Variants in FLNB observed in about 807,000 individuals in gnomAD.
The protein encoded by FLNB is filamin-B.
A neutral mutation model predicts 250.6 loss-of-function variants in FLNB; 111 were observed. The ratio of observed to expected loss-of-function variants is 0.44; its 90% CI spans 0.38 to 0.52. The LOEUF (loss-of-function observed/expected upper bound fraction) is 0.52, where lower values mean the gene tolerates loss of function less well. Among genes scored for constraint, FLNB ranks in the 20% least tolerant of loss-of-function variants. The pLI, the probability that FLNB is intolerant of heterozygous loss-of-function variation, is 0.00. For missense variants in FLNB, 2,869 were observed against 3,447.8 expected, an observed-to-expected ratio of 0.83 and a Z score of 4.20; for synonymous variants, 1,302 against 1,372.1, an observed-to-expected ratio of 0.95 and a Z score of 1.13.
chr3:58,038,364 G>C (rs913284182), intron 1 of FLNB, among the ~76,000 whole-genome samples: 1 of 151,974 alleles, frequency 6.6e-6, no homozygotes, highest in Non-Finnish European at 1.5e-5. Context: ...TTGTGTGAAA[G>C]CTGCTGACGT....
intron 34 of FLNB, 103 bp from the exon 35 acceptor site, chr3:58,148,103 T>G: frequency 8.5e-7 from 1 of 1,172,146 alleles, no homozygotes; most frequent in Non-Finnish European, 1.3e-6. Context: ...CTTTGTGTAA[T>G]TAGTTCTTGC....
chr3:58,123,615 C>A lies in FLNB; in HGVS notation c.3649C>A (p.Pro1217Thr), dbSNP rs1284002405. The change falls in exon 21 of 46, where the codon CCC (proline) becomes ACC (threonine). Residue 1217 changes from proline to threonine, a missense_variant. Transcript: ENST00000295956. The stretch of plus-strand genomic sequence containing the variant: ...TGGTGGCGAACTCGTGCCACACTTC[C>A]CCGCCCGGGTCAAGGTGGAGCCCGC... ...KYGGELVPHF[P>T]ARVKVEPAVD... The A allele has an allele frequency of 1.2e-6, 2 of 1,612,536 alleles. No homozygotes were observed. The highest frequency in any genetic ancestry group is 1.7e-6 in the Non-Finnish European group (2 of 1,179,880).
intron 8 of FLNB, 47 bp from the exon 9 acceptor site, chr3:58,102,156 T>C: frequency 4.3e-6 from 7 of 1,612,760 alleles, no homozygotes; most frequent in Non-Finnish European, 5.9e-6. Context: ...TTCACGACTC[T>C]GACTAAAGAA....
Position 58,138,266 on chromosome 3 carries a change from CT to C in FLNB, c.4862-15del. On this transcript the variant is annotated splice_polypyrimidine_tract_variant and intron_variant, in intron 28 of 45. Coordinates refer to ENST00000295956, the MANE Select transcript of FLNB (RefSeq NM_001457.4). Reference sequence around the variant, plus strand: ...GTGTCCATACTTCCATTCTCTTCCCCTGAACTCTTCTCCAGGTCCTGGAATC... The same window carrying C: ...GTGTCCATACTTCCATTCTCTTCCCCGAACTCTTCTCCAGGTCCTGGAATC... 2 of 1,613,236 alleles carry C rather than the reference CT, an allele frequency of 1.2e-6. No homozygotes were observed. The highest frequency in any genetic ancestry group is 1.7e-6 in the Non-Finnish European group (2 of 1,179,948).
chr3:58,133,444 A>G (rs1326287363), intron 26 of FLNB, among the ~76,000 whole-genome samples: 27 of 140,440 alleles, frequency 1.9e-4, no homozygotes, highest in African/African-American at 6.9e-4. Flanking sequence ...CTGGAAAAAA[A>G]AAAAAAAAAA....
intron 13 of FLNB, 96 bp downstream of exon 13, chr3:58,108,667 C>G (rs1441655414): frequency 2.6e-6 from 2 of 763,480 alleles, no homozygotes; most frequent in East Asian, 5.1e-5. Context: ...CTTCAGTTTC[C>G]TCATCTGCAC....
At chr3:58,063,069 C>G (rs1358433166) in intron 1 of FLNB, among the ~76,000 whole-genome samples, 2 of 152,208 alleles carry the variant, frequency 1.3e-5, no homozygotes, top group African/African-American at 4.8e-5. Context: ...GGTGAGGACA[C>G]TGAGCACAGG....
chr3:58,139,721 A>T (rs897204340), intron 29 of FLNB, among the ~76,000 whole-genome samples: 1 of 152,198 alleles, frequency 6.6e-6, no homozygotes, highest in Non-Finnish European at 1.5e-5. Flanking sequence ...TTATTCACAG[A>T]GAAGGGTACC....
At chr3:58,086,540 T>C (rs1490033574) in intron 4 of FLNB, among the ~76,000 whole-genome samples, 1 of 152,238 alleles carries the variant, frequency 6.6e-6, no homozygotes, top group Non-Finnish European at 1.5e-5. Context: ...GGCTACCTTT[T>C]AAAATTTATT....
intron 3 of FLNB, among the ~76,000 whole-genome samples, chr3:58,079,498 G>A (rs955922358): frequency 3.9e-5 from 6 of 152,100 alleles, no homozygotes; most frequent in Admixed American, 1.3e-4. Context: ...TGATCTGCCC[G>A]CCTCAGCCTC....
At chr3:58,165,072 C>G (rs1295451271) in intron 43 of FLNB, 2 of 152,336 alleles carry the variant, frequency 1.3e-5, no homozygotes, top group African/African-American at 4.8e-5. Flanking sequence ...TGGGCCCTGA[C>G]AAGGTACTCA....
At chr3:58,111,468 A>G (rs1444209336) in intron 16 of FLNB, among the ~76,000 whole-genome samples, 1 of 151,850 alleles carries the variant, frequency 6.6e-6, no homozygotes, top group African/African-American at 2.4e-5. Context: ...CCCCAGCCCC[A>G]TGTATTATTG....
chr3:58,121,898 G>A (rs1008631793), intron 20 of FLNB, among the ~76,000 whole-genome samples: 10 of 152,086 alleles, frequency 6.6e-5, no homozygotes, highest in Non-Finnish European at 1.0e-4. Context: ...GGCCAGGCGC[G>A]GTGGCTCATG....
chr3:58,029,381 G>A (rs1369767876), intron 1 of FLNB, among the ~76,000 whole-genome samples: 1 of 152,072 alleles, frequency 6.6e-6, no homozygotes, highest in Non-Finnish European at 1.5e-5. Context: ...GGGAATGAAT[G>A]GTGTTCTTTG....
chr3:58,163,815 G>A (rs1263743654), intron 43 of FLNB: 1 of 161,658 alleles, frequency 6.2e-6, no homozygotes, highest in Non-Finnish European at 1.4e-5. Flanking sequence ...TAATGGAGGA[G>A]GAGAAAAGAC....
chr3:58,102,128 C>A, intron 8 of FLNB, 75 bp from the exon 9 acceptor site: 1 of 1,569,168 alleles, frequency 6.4e-7, no homozygotes, highest in Non-Finnish European at 8.8e-7. Context: ...TGGCGGGTGG[C>A]TCCAGGTTAC....
chr3:58,079,669 A>G (rs551420896), intron 3 of FLNB, among the ~76,000 whole-genome samples: 87 of 152,374 alleles, frequency 5.7e-4, no homozygotes, highest in African/African-American at 2.0e-3. Context: ...TCAGAAATCA[A>G]ATAAGTCTTG....
intron 1 of FLNB, among the ~76,000 whole-genome samples, chr3:58,031,482 T>G (rs1263071774): frequency 6.6e-6 from 1 of 151,308 alleles, no homozygotes; most frequent in African/African-American, 2.4e-5. Flanking sequence ...GACCTTGTGA[T>G]CTGCCTGCCT....
intron 1 of FLNB, among the ~76,000 whole-genome samples, chr3:58,058,936 A>G (rs760053922): frequency 3.3e-5 from 5 of 152,216 alleles, no homozygotes; most frequent in Admixed American, 6.5e-5. Context: ...GACTTACCCA[A>G]ACTATCTTCT....
Sources: allele counts gnomAD v4.1 joint callset (sites outside exome capture counted in the v4.1 genomes callset), GRCh38; gene constraint gnomAD v4.1.1; transcripts MANE v1.5; gene names NCBI Gene and HGNC (gene_info 2026-07-23, HGNC 2026-07-21).